The following TENM2 variants were observed in gnomAD, a reference collection of about 807,000 sequenced individuals.
The protein encoded by TENM2 is teneurin-2.
TENM2 carries 52 observed loss-of-function variants against 245.2 expected under a neutral mutation model. The observed-to-expected ratio is 0.21, with a 90% CI of 0.17 to 0.27. TENM2 has a LOEUF of 0.27. TENM2 is among the 10% of genes least tolerant of loss of function. TENM2 has a pLI of 1.00. For synonymous variants in TENM2, 1,363 were observed against 1,438.9 expected (o/e 0.95, Z 1.19); for missense variants, 3,046 against 3,666.8 (o/e 0.83, Z 4.37).
At chr5:167,048,840 G>A in the TENM2 span, among the ~76,000 whole-genome samples, 1 of 152,098 alleles carries the variant, frequency 6.6e-6, no homozygotes, top group Admixed American at 6.6e-5. Flanking sequence ...AGATGTCTGA[G>A]GTCTTTAATA....
chr5:168,159,100 C>T (rs1205152971), intron 12 of TENM2, among the ~76,000 whole-genome samples: 4 of 150,972 alleles, frequency 2.6e-5, no homozygotes, highest in Non-Finnish European at 4.4e-5. Context: ...GCCGACATTG[C>T]GCCACTGCAC....
chr5:167,601,400 T>C (rs1298350568), intron 2 of TENM2, among the ~76,000 whole-genome samples: 1 of 152,246 alleles, frequency 6.6e-6, no homozygotes, highest in African/African-American at 2.4e-5. Flanking sequence ...GCAAGAGGGA[T>C]TACCATATGG....
chr5:168,187,260 T>C lies in TENM2; in HGVS notation c.2570-3077T>C, dbSNP rs192383796. 933 of 152,316 alleles carry C rather than the reference T, an allele frequency of 6.1e-3. 8 individuals carry two copies. The highest frequency in any genetic ancestry group is 9.4e-3 in the Non-Finnish European group (642 of 68,118). The allele number at this position is 152,316 out of a possible 1,614,324, so 9.4% of individuals were successfully genotyped here. On this transcript the variant is annotated intron_variant, in intron 13 of 28. Coordinates refer to ENST00000518659, the Ensembl canonical transcript of TENM2. ...AGTGGGGAAATTTGAAGTTCACAAT[T>C]CTGAAGCAGTCACAAGCCCGGAAAG...
chr5:167,677,344 T>A (rs143711192), intron 2 of TENM2, among the ~76,000 whole-genome samples: 77 of 152,098 alleles, frequency 5.1e-4, no homozygotes, highest in Admixed American at 2.5e-3. Flanking sequence ...TTTACAAAGA[T>A]CTGCAAGGAA....
At chr5:167,483,772 C>G (rs1298091795) in intron 2 of TENM2, among the ~76,000 whole-genome samples, 2 of 152,020 alleles carry the variant, frequency 1.3e-5, no homozygotes, top group Non-Finnish European at 2.9e-5. Context: ...ATTTTTTAAG[C>G]CAAAAATTTA....
At chr5:168,004,363 A>G (rs1581028144) in intron 5 of TENM2, among the ~76,000 whole-genome samples, 1 of 152,082 alleles carries the variant, frequency 6.6e-6, no homozygotes. Flanking sequence ...CACTTGGGAG[A>G]GTCTCTTAAT....
At chr5:167,351,778 G>T (rs554870803) in intron 1 of TENM2, among the ~76,000 whole-genome samples, 2 of 152,064 alleles carry the variant, frequency 1.3e-5, no homozygotes, top group Non-Finnish European at 2.9e-5. Context: ...TATTTAAGGG[G>T]CAGCTGTAAT....
At chr5:167,161,441 G>A in the TENM2 span, among the ~76,000 whole-genome samples, 9 of 152,152 alleles carry the variant, frequency 5.9e-5, no homozygotes, top group African/African-American at 2.2e-4. Flanking sequence ...GGGGAGGAAG[G>A]TAATGTCTTA....
At chr5:167,144,929 C>A in the TENM2 span, among the ~76,000 whole-genome samples, 5 of 152,278 alleles carry the variant, frequency 3.3e-5, no homozygotes, top group Admixed American at 3.3e-4. Flanking sequence ...TGGCTTTTTC[C>A]TCCATGGAAA....
At chr5:168,006,766 C>T (rs1033442191) in intron 5 of TENM2, among the ~76,000 whole-genome samples, 1 of 152,184 alleles carries the variant, frequency 6.6e-6, no homozygotes, top group African/African-American at 2.4e-5. Flanking sequence ...CAGTGACGTG[C>T]TGCCTGAAAC....
chr5:167,630,114 C>T (rs1010023067), intron 2 of TENM2, among the ~76,000 whole-genome samples: 5 of 151,062 alleles, frequency 3.3e-5, no homozygotes, highest in African/African-American at 1.2e-4. Flanking sequence ...TCTTACCTTA[C>T]GTCTTAGCAG....
chr5:168,198,002 C>T (rs796073809), intron 15 of TENM2, among the ~76,000 whole-genome samples: 4 of 152,230 alleles, frequency 2.6e-5, no homozygotes, highest in East Asian at 1.9e-4. Context: ...ATTCTATTAG[C>T]CTAGGACTGT....
intron 12 of TENM2, among the ~76,000 whole-genome samples, chr5:168,136,514 C>T (rs755476007): frequency 5.9e-5 from 9 of 152,204 alleles, no homozygotes; most frequent in Non-Finnish European, 8.8e-5. Context: ...TTGGTGCTCA[C>T]GCTACTGAAG....
rs887563284 is a variant in TENM2, at chr5:167,321,803, G to T, written c.226+36740G>T. On this transcript the variant is annotated intron_variant, in intron 1 of 28. Coordinates refer to ENST00000518659, the Ensembl canonical transcript of TENM2. ...TTGGCTTATTTTTTTTTTTTTTTTG[G>T]GGGGGGGGGCGGGGGGGGGGGTGGA... 4.2e-3 allele frequency among the ~76,000 whole-genome samples: 28 copies of T among 6,722 alleles called. 1 individual carries two copies. Among genetic ancestry groups the T allele is most frequent in the African/African-American group, 5.0e-3 (9 of 1,812 alleles). The allele number at this position is 6,722 out of a possible 152,430, so 4.4% of individuals were successfully genotyped here.
At chr5:168,146,370 G>A (rs562865997) in intron 12 of TENM2, among the ~76,000 whole-genome samples, 4 of 152,152 alleles carry the variant, frequency 2.6e-5, no homozygotes, top group Non-Finnish European at 4.4e-5. Context: ...TAACCTGGTA[G>A]AAGAGATGAT....
the TENM2 span, among the ~76,000 whole-genome samples, chr5:167,108,110 G>A: frequency 6.6e-6 from 1 of 151,950 alleles, no homozygotes; most frequent in African/African-American, 2.4e-5. Context: ...TCTCTTACTT[G>A]ACTGTGAGTA....
chr5:167,130,797 T>G, the TENM2 span, among the ~76,000 whole-genome samples: 1 of 151,912 alleles, frequency 6.6e-6, no homozygotes, highest in East Asian at 1.9e-4. Context: ...TTTTATTTAC[T>G]TAGACACATA....
intron 2 of TENM2, among the ~76,000 whole-genome samples, chr5:167,672,882 C>T (rs1406342366): frequency 6.8e-6 from 1 of 147,488 alleles, no homozygotes; most frequent in African/African-American, 2.5e-5. Context: ...AAAATTAGTT[C>T]TACTCTTCTA....
intron 3 of TENM2, among the ~76,000 whole-genome samples, chr5:167,929,036 A>G (rs1238246268): frequency 7.0e-6 from 1 of 142,614 alleles, no homozygotes; most frequent in Non-Finnish European, 1.5e-5. Flanking sequence ...AAAGAAAGAA[A>G]GAAAAGAAAA....
Sources: allele counts gnomAD v4.1 joint callset (sites outside exome capture counted in the v4.1 genomes callset), GRCh38; gene constraint gnomAD v4.1.1; transcripts MANE v1.5; gene names NCBI Gene and HGNC (gene_info 2026-07-23, HGNC 2026-07-21).